The following HSPA12A variants were observed in gnomAD, a reference collection of about 807,000 sequenced individuals.
The protein encoded by HSPA12A is heat shock 70 kDa protein 12A.
In HSPA12A, 28 loss-of-function variants were observed where a neutral mutation model predicts 69.2. The observed-to-expected ratio is 0.40, with a 90% CI of 0.30 to 0.55. HSPA12A has a LOEUF of 0.55. HSPA12A is among the 20% of genes least tolerant of loss of function. The pLI is 0.38. For missense variants in HSPA12A, 686 were observed against 900.7 expected (o/e 0.76, Z 3.05); for synonymous variants, 345 against 370.5 (o/e 0.93, Z 0.79).
chr10:116,741,556 C>G (rs1342121315), intron 1 of HSPA12A, among the ~76,000 whole-genome samples: 4 of 152,238 alleles, frequency 2.6e-5, no homozygotes, highest in African/African-American at 7.2e-5. Context: ...CCACTTGGGA[C>G]CCACAGGAAG....
At chr10:116,711,680 T>TC in intron 1 of HSPA12A, among the ~76,000 whole-genome samples, 1 of 149,576 alleles carries the variant, frequency 6.7e-6, no homozygotes, top group Non-Finnish European at 1.5e-5. Context: ...TTTTTTTTTT[T>TC]TCGAGACTGA....
At chr10:116,791,064 T>C (rs1349468115) in intron 2 of HSPA12A, among the ~76,000 whole-genome samples, 2 of 152,232 alleles carry the variant, frequency 1.3e-5, no homozygotes, top group Non-Finnish European at 2.9e-5. Flanking sequence ...TTTGATATTC[T>C]GCTTTCACTG....
At chr10:116,698,999 G>A (rs766889702) in intron 4 of HSPA12A, among the ~76,000 whole-genome samples, 2 of 152,132 alleles carry the variant, frequency 1.3e-5, no homozygotes, top group Non-Finnish European at 2.9e-5. Flanking sequence ...CTAGCTCCTG[G>A]ATCCTCTGGG....
intron 1 of HSPA12A, among the ~76,000 whole-genome samples, chr10:116,843,253 C>G (rs1339659232): frequency 6.6e-6 from 1 of 152,190 alleles, no homozygotes; most frequent in Non-Finnish European, 1.5e-5. Flanking sequence ...AGTGATACAT[C>G]ACCAGGAGGC....
At chr10:116,720,601 C>G (rs955619086) in intron 1 of HSPA12A, among the ~76,000 whole-genome samples, 2 of 152,214 alleles carry the variant, frequency 1.3e-5, no homozygotes, top group Non-Finnish European at 2.9e-5. Flanking sequence ...CCTGACAGAT[C>G]AGCTGTTTCA....
At chr10:116,786,173 A>C (rs935352493) in intron 2 of HSPA12A, among the ~76,000 whole-genome samples, 2 of 152,214 alleles carry the variant, frequency 1.3e-5, no homozygotes, top group African/African-American at 4.8e-5. Context: ...AAATCTCAGC[A>C]GTGGGGTTGC....
chr10:116,845,464 G>T (rs1017105223), intron 1 of HSPA12A, among the ~76,000 whole-genome samples: 1 of 152,084 alleles, frequency 6.6e-6, no homozygotes. Context: ...GCCTTCCAAT[G>T]CAGTTACAGA....
At chr10:116,699,375 G>A (rs1260708356) in intron 4 of HSPA12A, among the ~76,000 whole-genome samples, 6 of 152,118 alleles carry the variant, frequency 3.9e-5, no homozygotes, top group Non-Finnish European at 8.8e-5. Flanking sequence ...GCTGGTGGAC[G>A]GAGATCATTA....
intron 1 of HSPA12A, among the ~76,000 whole-genome samples, chr10:116,836,768 A>AACATACACACACACAC (rs778091882): frequency 1.4e-5 from 2 of 146,514 alleles, no homozygotes; most frequent in African/African-American, 5.0e-5. Context: ...AAACGAACCG[A>AACATACACACACACAC]ACACACACAC....
At chr10:116,846,599 C>T (rs1032059581) in intron 1 of HSPA12A, among the ~76,000 whole-genome samples, 2 of 152,160 alleles carry the variant, frequency 1.3e-5, no homozygotes, top group African/African-American at 4.8e-5. Context: ...CCGCCCGCCT[C>T]GGCTTCCCAA....
At chr10:116,704,184 A>G (rs1314346196) in intron 3 of HSPA12A, among the ~76,000 whole-genome samples, 3 of 152,206 alleles carry the variant, frequency 2.0e-5, no homozygotes, top group Non-Finnish European at 4.4e-5. Flanking sequence ...GGCACTATTC[A>G]CAATAGCAAA....
intron 2 of HSPA12A, chr10:116,828,849 C>T (rs920686002): frequency 1.3e-5 from 2 of 152,188 alleles, no homozygotes; most frequent in Non-Finnish European, 2.9e-5. Context: ...TAAAAAACAA[C>T]ACAAAATTTC....
Position 116,681,786 on chromosome 10 carries a change from G to T in HSPA12A, c.922+5C>A, listed in dbSNP as rs782749175. On this transcript the variant is annotated splice_donor_5th_base_variant and intron_variant, in intron 8 of 11. Transcript: ENST00000369209. ...GCAAGAGCAAAGGACATTGAAGGAC[G>T]CTACCTTCCTCCAGCTCGGACCAGA... 3.1e-6 allele frequency: 5 copies of T among 1,612,844 alleles called. No homozygotes were observed. Among genetic ancestry groups the T allele is most frequent in the Non-Finnish European group, 4.2e-6 (5 of 1,178,906 alleles).
chr10:116,805,182 G>A (rs1845042654), intron 2 of HSPA12A, among the ~76,000 whole-genome samples: 3 of 152,130 alleles, frequency 2.0e-5, no homozygotes, highest in Admixed American at 1.3e-4. Context: ...TGGGCGTGGT[G>A]GTGGGCGCCT....
At chr10:116,779,508 G>A (rs1161326268) in intron 2 of HSPA12A, among the ~76,000 whole-genome samples, 10 of 152,170 alleles carry the variant, frequency 6.6e-5, no homozygotes, top group African/African-American at 2.4e-4. Context: ...TGAGACATGA[G>A]GGCAGTGACA....
chr10:116,679,905 C>A, intron 9 of HSPA12A, 144 bp from the exon 10 acceptor site: 1 of 718,312 alleles, frequency 1.4e-6, no homozygotes, highest in Admixed American at 2.8e-5. Context: ...CACTTCAGAA[C>A]CCTGCGCTGC....
chr10:116,824,504 AACTG>A (rs1440965639), intron 2 of HSPA12A, among the ~76,000 whole-genome samples: 2 of 152,204 alleles, frequency 1.3e-5, no homozygotes, highest in African/African-American at 2.4e-5. Context: ...AACATCCATC[AACTG>A]ACTAATGGAC....
intron 2 of HSPA12A, among the ~76,000 whole-genome samples, chr10:116,797,718 G>A (rs1199752100): frequency 6.6e-6 from 1 of 152,212 alleles, no homozygotes; most frequent in African/African-American, 2.4e-5. Flanking sequence ...GGTGACCAGA[G>A]GATGGCGTCA....
At chr10:116,717,895 G>A (rs1273436786) in intron 1 of HSPA12A, among the ~76,000 whole-genome samples, 5 of 152,138 alleles carry the variant, frequency 3.3e-5, no homozygotes, top group Non-Finnish European at 5.9e-5. Flanking sequence ...CGTGAGGGCC[G>A]GTGCTGCCAG....
Sources: gnomAD v4.1 joint callset for allele counts (sites outside exome capture counted in the v4.1 genomes callset) on GRCh38, gnomAD v4.1.1 for gene constraint, MANE v1.5 for transcripts, NCBI Gene and HGNC (gene_info 2026-07-23, HGNC 2026-07-21) for gene names.